The following FBXL4 variants were observed in gnomAD, a reference collection of about 807,000 sequenced individuals.
FBXL4 encodes the protein F-box and leucine rich repeat protein 4.
In FBXL4, 40 loss-of-function variants were observed where a neutral mutation model predicts 58.9. The observed-to-expected ratio is 0.68, with a 90% CI of 0.53 to 0.88. FBXL4 has a LOEUF of 0.88. Among genes scored for constraint, FBXL4 ranks in the 40% least tolerant of loss-of-function variants. The probability of loss-of-function intolerance (pLI) is 0.00; values close to 1 mark genes in which losing one functional copy is unlikely to be tolerated. For missense variants in FBXL4, 676 were observed against 734.4 expected (o/e 0.92, Z 0.92); for synonymous variants, 263 against 265.5 (o/e 0.99, Z 0.09).
Position 98,875,657 on chromosome 6 carries a change from C to T in FBXL4, c.1460G>A (p.Trp487Ter). ...ATTCTCAGTAATATTCTTACATCTCCACAGATCCAGGGTCCGGAGTTTTTT... is the reference window on the plus strand; with the variant it reads ...ATTCTCAGTAATATTCTTACATCTCTACAGATCCAGGGTCCGGAGTTTTTT... ...KCKKLRTLDL[W>*]RCKNITENGI... The change falls in exon 9 of 10, where the codon TGG (tryptophan) becomes TAG (stop). Residue 487 changes from tryptophan to a stop codon, truncating the protein, a stop_gained. Coordinates refer to ENST00000369244, the MANE Select transcript of FBXL4 (RefSeq NM_001278716.2). LOFTEE classifies it high-confidence loss of function. 1 of 1,614,070 alleles carries T rather than the reference C, an allele frequency of 6.2e-7. No individual in the cohort carries two copies. The highest frequency in any genetic ancestry group is 1.1e-5 in the South Asian group (1 of 91,082).
chr6:98,875,258 CT>C (rs1187209270), intron 9 of FBXL4, 156 bp downstream of exon 9: 3 of 677,920 alleles, frequency 4.4e-6, no homozygotes, highest in Non-Finnish European at 7.9e-6. Flanking sequence ...CCTATATTAA[CT>C]GATCTATCTT....
intron 7 of FBXL4, among the ~76,000 whole-genome samples, chr6:98,880,882 T>C (rs1770828423): frequency 6.6e-6 from 1 of 152,130 alleles, no homozygotes; most frequent in Non-Finnish European, 1.5e-5. Flanking sequence ...TAAAGATACC[T>C]ATATTCCCTA....
chr6:98,938,405 G>A (rs528082287), intron 1 of FBXL4, among the ~76,000 whole-genome samples: 150 of 152,268 alleles, frequency 9.9e-4, no homozygotes, highest in African/African-American at 3.5e-3. Context: ...TGTTAAACTC[G>A]TGGAGTTCTG....
chr6:98,879,942 C>CAAAAA (rs57952065), intron 8 of FBXL4, among the ~76,000 whole-genome samples: 3 of 62,546 alleles, frequency 4.8e-5, no homozygotes, highest in African/African-American at 1.3e-4. Flanking sequence ...GACTCCATCT[C>CAAAAA]AAAAAAAAAA....
At chr6:98,943,056 G>A (rs1488956003) in intron 1 of FBXL4, among the ~76,000 whole-genome samples, 5 of 151,998 alleles carry the variant, frequency 3.3e-5, no homozygotes, top group Non-Finnish European at 7.4e-5. Context: ...GCACAGGGAT[G>A]GGTACAAGTA....
chr6:98,890,695 G>C (rs960647181), intron 7 of FBXL4, among the ~76,000 whole-genome samples: 1 of 152,188 alleles, frequency 6.6e-6, no homozygotes, highest in Non-Finnish European at 1.5e-5. Flanking sequence ...GAGGCCGGCA[G>C]ATCACTTGAG....
In FBXL4 at chr6:98,917,459, C is replaced by A. The variant is rs761384727; in HGVS notation, c.773G>T (p.Gly258Val). ...AAACTTTTTGTTAAGACTGTCCATTCCACAACCATCCTTTTCTGCATAGGC... is the reference window on the plus strand; with the variant it reads ...AAACTTTTTGTTAAGACTGTCCATTACACAACCATCCTTTTCTGCATAGGC... Reference protein sequence around the residue: ...DDAYAEKDGCGMDSLNKKFSS... With the variant: ...DDAYAEKDGCVMDSLNKKFSS... Residue 258 changes from glycine (G) to valine (V), a missense_variant, in exon 5 of 10, where the codon GGA becomes GTA. Coordinates refer to ENST00000369244, the MANE Select transcript of FBXL4 (RefSeq NM_001278716.2). 3 of 1,614,082 alleles carry A rather than the reference C, an allele frequency of 1.9e-6. No individual in the cohort carries two copies. The highest frequency in any genetic ancestry group is 2.5e-6 in the Non-Finnish European group (3 of 1,179,958).
intron 9 of FBXL4, among the ~76,000 whole-genome samples, chr6:98,875,103 T>C (rs1045491228): frequency 7.2e-6 from 1 of 139,204 alleles, no homozygotes; most frequent in East Asian, 1.9e-4. Context: ...ATTTCTTCTC[T>C]CCTTAATAAA....
chr6:98,919,414 G>A lies in FBXL4; in HGVS notation c.513-1695C>T, dbSNP rs186686931. On this transcript the variant is annotated intron_variant, in intron 4 of 9. Coordinates refer to ENST00000369244, the MANE Select transcript of FBXL4 (RefSeq NM_001278716.2). ...AAACATAAACAGCCTGTGAGTATTT[G>A]TATTCAGAGGCAACATTAAAGTAGC... is the stretch of plus-strand genomic sequence containing the variant. Among the ~76,000 whole-genome samples the A allele has an allele frequency of 1.3e-3, 200 of 152,280 alleles. 1 individual carries two copies. The highest frequency in any genetic ancestry group is 4.3e-3 in the African/African-American group (178 of 41,558).
chr6:98,946,219 G>C (rs1035684821), intron 1 of FBXL4, among the ~76,000 whole-genome samples: 1 of 152,080 alleles, frequency 6.6e-6, no homozygotes, highest in East Asian at 1.9e-4. Context: ...AGAATACACG[G>C]GAATTTAGGG....
rs1222237328 is a variant in FBXL4, at chr6:98,869,886, A to T, written c.*4392T>A. The T allele has an allele frequency of 6.6e-6, 1 of 152,204 alleles. No individual in the cohort carries two copies. 9.4% of individuals were successfully genotyped at this position (152,204 alleles called of 1,614,324 possible). On this transcript the variant is annotated 3_prime_UTR_variant, in exon 10 of 10. Transcript: ENST00000369244. ...TATTTTTAAGATCTTATTTCAAAAC[A>T]ATTTACATTGAGAGTATTATTTATG...
intron 7 of FBXL4, among the ~76,000 whole-genome samples, chr6:98,888,247 T>C (rs12110701): frequency 6.6e-6 from 1 of 152,106 alleles, no homozygotes; most frequent in Non-Finnish European, 1.5e-5. Flanking sequence ...ACACAGACAT[T>C]CCCACTCATT....
Position 98,899,268 on chromosome 6 carries a change from C to T in FBXL4, c.1317G>A (p.Glu439=), listed in dbSNP as rs1554218789. The change falls in exon 7 of 10, where the codon GAG becomes GAA. Residue 439 remains glutamate, a splice_region_variant and synonymous_variant. Coordinates refer to ENST00000369244, the MANE Select transcript of FBXL4 (RefSeq NM_001278716.2). ...GATGAAAATTATGAATTACTCTCAC[C>T]TCTACTTTTGTTCGATAGAGAACAA... ...KRLVLYRTKV[E]QTALLSILNF... 1 of 1,613,578 alleles carries T rather than the reference C, an allele frequency of 6.2e-7. No homozygotes were observed. The highest frequency in any genetic ancestry group is 1.3e-5 in the African/African-American group (1 of 75,012).
intron 8 of FBXL4, among the ~76,000 whole-genome samples, chr6:98,878,571 T>C (rs1417106567): frequency 6.6e-6 from 1 of 152,016 alleles, no homozygotes; most frequent in Non-Finnish European, 1.5e-5. Context: ...TGATTATCCT[T>C]TAGAGGTAAT....
intron 7 of FBXL4, among the ~76,000 whole-genome samples, chr6:98,890,718 A>C (rs1279443774): frequency 3.3e-5 from 5 of 152,194 alleles, no homozygotes; most frequent in Admixed American, 3.3e-4. Context: ...CAGGAGTTCA[A>C]GACCAGCCTG....
At position 98,926,798 on chromosome 6, in the gene FBXL4, T is replaced by C. The variant is rs933323574; in HGVS notation, c.191A>G (p.His64Arg). ...GGACATACTATTCTCACTTCCATAA[T>C]GGGAACTGAAATCCACTACTTCTTT... ...YAKEVVDFSS[H>R]YGSENSMSYT... The change falls in exon 4 of 10, where the codon CAT (histidine) becomes CGT (arginine). Residue 64 changes from histidine (H) to arginine (R), a missense_variant. Coordinates refer to ENST00000369244, the MANE Select transcript of FBXL4 (RefSeq NM_001278716.2). The C allele has an allele frequency of 1.9e-6, 3 of 1,614,052 alleles. No homozygotes were observed. The highest frequency in any genetic ancestry group is 1.3e-5 in the African/African-American group (1 of 74,934).
At chr6:98,912,164 T>C (rs1274595733) in intron 5 of FBXL4, among the ~76,000 whole-genome samples, 2 of 152,032 alleles carry the variant, frequency 1.3e-5, no homozygotes, top group Admixed American at 6.6e-5. Flanking sequence ...CTCCAAGAAA[T>C]ATGGGACTAT....
intron 5 of FBXL4, 108 bp downstream of exon 5, chr6:98,917,266 A>G: frequency 1.3e-6 from 1 of 748,902 alleles, no homozygotes; most frequent in South Asian, 2.7e-5. Context: ...ATCAAATTAT[A>G]TATAACTTAC....
In FBXL4 at chr6:98,923,698, ATC is replaced by A. The variant is rs990999115; in HGVS notation, c.512+2777_512+2778del. On this transcript the variant is annotated intron_variant, in intron 4 of 9. Transcript: ENST00000369244. ...TGGCCTGTAAGCTCAAAAAAGAGCCATCTCTGTCTGACTCTCTACTTGGTTCC... is the reference window on the plus strand; with the variant it reads ...TGGCCTGTAAGCTCAAAAAAGAGCCATCTGTCTGACTCTCTACTTGGTTCC... Among the ~76,000 whole-genome samples, 36 of 152,268 alleles carry A rather than the reference ATC, an allele frequency of 2.4e-4. No homozygotes were observed. The Middle Eastern group carries it at 0.014, about 58-fold the overall frequency.
Sources: gnomAD v4.1 joint callset for allele counts (sites outside exome capture counted in the v4.1 genomes callset) on GRCh38, gnomAD v4.1.1 for gene constraint, MANE v1.5 for transcripts, NCBI Gene and HGNC (gene_info 2026-07-23, HGNC 2026-07-21) for gene names.